Variants in ZNF619 observed in about 807,000 individuals in gnomAD.
The protein encoded by ZNF619 is zinc finger protein 619.
ZNF619 carries 9 observed loss-of-function variants against 14.2 expected under a neutral mutation model. The observed-to-expected ratio is 0.64, with a 90% CI of 0.38 to 1.11. The LOEUF (loss-of-function observed/expected upper bound fraction) is 1.11, where lower values mean the gene tolerates loss of function less well. Ranked by LOEUF, ZNF619 falls within the 50% of genes least tolerant of loss-of-function variation. The pLI, the probability that ZNF619 is intolerant of heterozygous loss-of-function variation, is 0.01. For synonymous variants in ZNF619, 246 were observed against 252.8 expected, an observed-to-expected ratio of 0.97 and a Z score of 0.26; for missense variants, 659 against 680.1, an observed-to-expected ratio of 0.97 and a Z score of 0.34.
At chr3:40,484,467 T>A (rs1285003805) in intron 4 of ZNF619, among the ~76,000 whole-genome samples, 1 of 152,228 alleles carries the variant, frequency 6.6e-6, no homozygotes, top group Non-Finnish European at 1.5e-5. Context: ...TCATATTCTG[T>A]CAATCTTTTA....
chr3:40,478,085 G>T (rs1697256950), intron 2 of ZNF619, 82 bp downstream of exon 2: 3 of 1,347,892 alleles, frequency 2.2e-6, no homozygotes, highest in African/African-American at 1.5e-5. Context: ...GACTTGGCCA[G>T]TCTCATGCTT....
chr3:40,478,664 A>T (rs1439366795), intron 2 of ZNF619, among the ~76,000 whole-genome samples: 2 of 151,802 alleles, frequency 1.3e-5, no homozygotes, highest in Non-Finnish European at 2.9e-5. Context: ...TAGCATTGGG[A>T]GGACTTTTCC....
In ZNF619 at chr3:40,490,761, AT is replaced by A. The variant is rs1413053548; in HGVS notation, c.*2521del. Among the ~76,000 whole-genome samples the A allele has an allele frequency of 2.6e-5, 4 of 152,222 alleles. No homozygotes were observed. The highest frequency in any genetic ancestry group is 2.0e-4 in the Admixed American group (3 of 15,288). On this transcript the variant is annotated 3_prime_UTR_variant, in exon 5 of 5. Transcript: ENST00000432264. Reference sequence around the variant, plus strand: ...GTGTCTAATATGTATAACATAAAAAATATGTGTTAATCGACTGTTTCAGTAA... The same window carrying A: ...GTGTCTAATATGTATAACATAAAAAAATGTGTTAATCGACTGTTTCAGTAA...
At position 40,488,181 on chromosome 3, in the gene ZNF619, T is replaced by C. The variant is rs1261079113; in HGVS notation, c.1671T>C (p.Asp557=). The C allele has an allele frequency of 1.2e-6, 2 of 1,612,848 alleles. No individual in the cohort carries two copies. The highest frequency in any genetic ancestry group is 8.5e-7 in the Non-Finnish European group (1 of 1,179,250). ...SPVQIAHFFQ[D]LAFPGKSSLQ... is the part of the protein sequence containing the mutation. ...TCCAAATAGCACATTTTTTTCAGGA[T>C]CTCGCTTTTCCTGGGAAGTCATCCC... The change falls in exon 5 of 5, where the codon GAT becomes GAC. Residue 557 remains aspartate (D), a synonymous_variant. Coordinates refer to ENST00000432264, the MANE Select transcript of ZNF619 (RefSeq NM_001145093.4).
chr3:40,488,341 G>A lies in ZNF619; in HGVS notation c.*100G>A, dbSNP rs1697710237. 1.5e-6 allele frequency: 1 copy of A among 688,028 alleles called. No individual in the cohort carries two copies. The allele number at this position is 688,028 out of a possible 1,614,324, so 42.6% of individuals were successfully genotyped here. On this transcript the variant is annotated 3_prime_UTR_variant, in exon 5 of 5. Coordinates refer to ENST00000432264, the MANE Select transcript of ZNF619 (RefSeq NM_001145093.4). ...ATTCCTCTGGTCTTGTCTTGTATAA[G>A]TTGTTACTGTTTTCCTAACTTCATT...
chr3:40,478,398 C>T (rs775009904), intron 2 of ZNF619, among the ~76,000 whole-genome samples: 2 of 152,100 alleles, frequency 1.3e-5, no homozygotes, highest in Non-Finnish European at 2.9e-5. Context: ...TGCTAGTCTG[C>T]GTTCACAGTA....
chr3:40,483,989 T>C (rs1211098051), intron 4 of ZNF619, among the ~76,000 whole-genome samples: 1 of 149,876 alleles, frequency 6.7e-6, no homozygotes. Context: ...GCAGTGGCAC[T>C]ATTTCGGCTC....
At chr3:40,480,726 T>C (rs181907124) in intron 2 of ZNF619, among the ~76,000 whole-genome samples, 1 of 152,244 alleles carries the variant, frequency 6.6e-6, no homozygotes, top group Non-Finnish European at 1.5e-5. Flanking sequence ...GGTCTTGATC[T>C]CCTGACCTCG....
At chr3:40,477,696 T>TA in intron 1 of ZNF619, 1 of 437,248 alleles carries the variant, frequency 2.3e-6, no homozygotes, top group South Asian at 2.7e-5. Flanking sequence ...TCTTGACTCT[T>TA]ACTTTACAGA....
Position 40,478,245 on chromosome 3 carries a change from G to T in ZNF619, c.24+242G>T, listed in dbSNP as rs546846943. ...GAATCTGCATTCATGAGAACTGAAA[G>T]TGTGGCCTGGAGATGAGCAGCTTTT... On this transcript the variant is annotated intron_variant, in intron 2 of 4. Transcript: ENST00000432264. Among the ~76,000 whole-genome samples, 14 of 152,310 alleles carry T rather than the reference G, an allele frequency of 9.2e-5. No homozygotes were observed. In the South Asian group the frequency reaches 2.9e-3, roughly 32 times the overall value.
chr3:40,478,406 G>A (rs1244323702), intron 2 of ZNF619, among the ~76,000 whole-genome samples: 3 of 152,150 alleles, frequency 2.0e-5, no homozygotes, highest in African/African-American at 7.2e-5. Context: ...TGCGTTCACA[G>A]TACACAAAGA....
At chr3:40,477,545 G>A (rs192321756) in intron 1 of ZNF619, among the ~76,000 whole-genome samples, 188 bp downstream of exon 1, 4 of 152,158 alleles carry the variant, frequency 2.6e-5, no homozygotes, top group African/African-American at 7.2e-5. Context: ...AGGGGTCCCC[G>A]TTATATCCTA....
rs1209099235 is a variant in ZNF619 at position 40,487,558 on chromosome 3, G to A, written c.1048G>A (p.Gly350Arg). 6.2e-7 allele frequency: 1 copy of A among 1,614,092 alleles called. No individual in the cohort carries two copies. Among genetic ancestry groups the A allele is most frequent in the Non-Finnish European group, 8.5e-7 (1 of 1,180,056 alleles). ...GEKPYECKEC[G>R]KSLSSNSVLI... ...GAAGCCCTATGAATGTAAGGAGTGT[G>A]GGAAGAGTTTGAGTTCTAATTCAGT... Residue 350 changes from glycine (G) to arginine (R), a missense_variant, in exon 5 of 5, where the codon GGG (glycine) becomes AGG (arginine). Gly to Arg is a moderately radical substitution (Grantham distance 125, BLOSUM62 -2). Transcript: ENST00000432264.
At chr3:40,479,527 C>T (rs939970528) in intron 2 of ZNF619, among the ~76,000 whole-genome samples, 15 of 152,172 alleles carry the variant, frequency 9.9e-5, no homozygotes, top group Non-Finnish European at 1.9e-4. Context: ...TAATGCCATT[C>T]TTGTAAGAGT....
In ZNF619 at chr3:40,481,889, G is replaced by A. The variant is rs529340096; in HGVS notation, c.51G>A (p.Gln17=). 129 of 1,612,214 alleles carry A rather than the reference G, an allele frequency of 8.0e-5. 1 individual carries two copies. The South Asian group carries it at 1.3e-3, about 16-fold the overall frequency. Residue 17 remains glutamine (Q), a synonymous_variant, in exon 3 of 5, where the codon CAG becomes CAA. Transcript: ENST00000432264. ...FQGLGRNLLF[Q]EPVTFEDVAV... ...GCTTGGGCAGGAACCTGTTGTTTCA[G>A]GAGCCAGTAACCTTTGAGGATGTGG...
chr3:40,481,439 A>G (rs1697388416), intron 2 of ZNF619, among the ~76,000 whole-genome samples: 1 of 152,236 alleles, frequency 6.6e-6, no homozygotes, highest in Non-Finnish European at 1.5e-5. Context: ...AAGGAACTTT[A>G]TCCTCATGAA....
In ZNF619 at chr3:40,488,466, A is replaced by G; in HGVS notation, c.*225A>G. 1 of 521,998 alleles carries G rather than the reference A, an allele frequency of 1.9e-6. No homozygotes were observed. The highest frequency in any genetic ancestry group is 3.4e-6 in the Non-Finnish European group (1 of 298,484). 32.3% of individuals were successfully genotyped at this position (521,998 alleles called of 1,614,324 possible). The stretch of plus-strand genomic sequence containing the variant: ...TTTATCGTGTCCACATTTGGGCTGT[A>G]TTATCAGTCTGCATCTCTCTTCTGG... On this transcript the variant is annotated 3_prime_UTR_variant, in exon 5 of 5. Coordinates refer to ENST00000432264, the MANE Select transcript of ZNF619 (RefSeq NM_001145093.4).
chr3:40,477,823 A>T, intron 1 of ZNF619, 95 bp from the exon 2 acceptor site: 1 of 665,456 alleles, frequency 1.5e-6, no homozygotes, highest in Non-Finnish European at 2.7e-6. Flanking sequence ...CTAGTGTGCC[A>T]AGAATATCTG....
Position 40,477,164 on chromosome 3 carries a change from A to G in ZNF619, c.-256A>G, listed in dbSNP as rs116671620. ...GCCAGCTAATGCTTCCGTCTTGGCC[A>G]CCTTGCGAGCGCTCGGGTTGAGTTT... On this transcript the variant is annotated 5_prime_UTR_variant, in exon 1 of 5. Coordinates refer to ENST00000432264, the MANE Select transcript of ZNF619 (RefSeq NM_001145093.4). 6.6e-6 allele frequency: 1 copy of G among 152,332 alleles called. No individual in the cohort carries two copies. The highest frequency in any genetic ancestry group is 1.9e-4 in the East Asian group (1 of 5,180). 9.4% of individuals were successfully genotyped at this position (152,332 alleles called of 1,614,324 possible). A position where few individuals can be genotyped will look rare whatever the true frequency, so the allele number is the denominator to read the frequency against.
Sources: gnomAD v4.1 joint callset for allele counts (sites outside exome capture counted in the v4.1 genomes callset) on GRCh38, gnomAD v4.1.1 for gene constraint, MANE v1.5 for transcripts, NCBI Gene and HGNC (gene_info 2026-07-23, HGNC 2026-07-21) for gene names.